Variants in FHIP1A observed in about 807,000 individuals in gnomAD.
FHIP1A encodes FHF complex subunit HOOK-interacting protein 1A.
Under a neutral mutation model 88.6 loss-of-function variants are expected in FHIP1A, and 61 were observed. The observed-to-expected ratio is 0.69, with a 90% CI of 0.56 to 0.85. The LOEUF is 0.85. Among genes scored for constraint, FHIP1A ranks in the 40% least tolerant of loss-of-function variants. The pLI, the probability that FHIP1A is intolerant of heterozygous loss-of-function variation, is 0.00. For missense variants in FHIP1A, 1,154 were observed against 1,273.5 expected (o/e 0.91, Z 1.43); for synonymous variants, 478 against 496.0 (o/e 0.96, Z 0.48).
intron 3 of FHIP1A, among the ~76,000 whole-genome samples, chr4:151,513,920 C>T (rs573886476): frequency 2.4e-4 from 36 of 150,506 alleles, no homozygotes; most frequent in African/African-American, 8.8e-4. Flanking sequence ...CAAGGATACC[C>T]AGGAATTGAA....
At chr4:151,659,773 C>T (rs890817240) in intron 13 of FHIP1A, among the ~76,000 whole-genome samples, 5 of 152,242 alleles carry the variant, frequency 3.3e-5, no homozygotes, top group Non-Finnish European at 5.9e-5. Flanking sequence ...CCCTTCACCT[C>T]CTGGCAGCCC....
rs1204101311 is a variant in FHIP1A at position 151,665,380 on chromosome 4, G to A, written c.*2626G>A. On this transcript the variant is annotated 3_prime_UTR_variant, in exon 14 of 14. Transcript: ENST00000435205. ...TGGGGTGCTGGCAGCAAACTCACAC[G>A]ATAACACTAACTTCCTATTTGGATT... 6.6e-6 allele frequency among the ~76,000 whole-genome samples: 1 copy of A among 152,220 alleles called. No individual in the cohort carries two copies. The highest frequency in any genetic ancestry group is 2.4e-5 in the African/African-American group (1 of 41,450).
intron 3 of FHIP1A, among the ~76,000 whole-genome samples, chr4:151,555,064 C>T (rs926493924): frequency 1.3e-5 from 2 of 152,070 alleles, no homozygotes; most frequent in African/African-American, 4.8e-5. Context: ...ATCACAGAAG[C>T]TAGATTTATG....
intron 7 of FHIP1A, among the ~76,000 whole-genome samples, chr4:151,606,669 T>A (rs1347418146): frequency 6.6e-6 from 1 of 152,230 alleles, no homozygotes; most frequent in African/African-American, 2.4e-5. Flanking sequence ...TATTGACCCA[T>A]GGTTTTTAAT....
chr4:151,482,532 A>T lies in FHIP1A; in HGVS notation c.-239A>T, dbSNP rs1166169750. On this transcript the variant is annotated 5_prime_UTR_variant, in exon 3 of 14. In the 5' UTR this introduces an upstream ATG that the reference lacks. Coordinates refer to ENST00000435205, the MANE Select transcript of FHIP1A (RefSeq NM_001109977.3). ...TTTATTCCTCTTCATAGATTTTTAAAGTCTTCTTCTAGGGGTTTCCAGCAG... is the reference window on the plus strand; with the variant it reads ...TTTATTCCTCTTCATAGATTTTTAATGTCTTCTTCTAGGGGTTTCCAGCAG... 6.6e-6 allele frequency: 1 copy of T among 151,784 alleles called. No individual in the cohort carries two copies. The highest frequency in any genetic ancestry group is 1.5e-5 in the Non-Finnish European group (1 of 67,832). The allele number at this position is 151,784 out of a possible 1,614,324, so 9.4% of individuals were successfully genotyped here.
intron 3 of FHIP1A, among the ~76,000 whole-genome samples, chr4:151,519,827 T>G (rs1045806324): frequency 2.0e-5 from 3 of 152,126 alleles, no homozygotes; most frequent in African/African-American, 7.2e-5. Flanking sequence ...GTTTTTAAAC[T>G]TTGGTCATTC....
rs1463271287 is a variant in FHIP1A, at chr4:151,650,705, G to GA, written c.2551+113_2551+114insA. ...GATATTATCGGTTTGTCTAACAGAG[G>GA]GCTGCAAATATTTTTGTAAAGATCA... On this transcript the variant is annotated intron_variant, in intron 11 of 13. Coordinates refer to ENST00000435205, the MANE Select transcript of FHIP1A (RefSeq NM_001109977.3). 10 of 1,339,114 alleles carry GA rather than the reference G, an allele frequency of 7.5e-6. No individual in the cohort carries two copies. The African/African-American group carries it at 1.5e-4, about 20-fold the overall frequency. The allele number at this position is 1,339,114 out of a possible 1,614,324, so 83.0% of individuals were successfully genotyped here. A position where few individuals can be genotyped will look rare whatever the true frequency, so the allele number is the denominator to read the frequency against.
At chr4:151,525,154 G>A (rs188247313) in intron 3 of FHIP1A, among the ~76,000 whole-genome samples, 1 of 152,146 alleles carries the variant, frequency 6.6e-6, no homozygotes, top group Admixed American at 6.5e-5. Flanking sequence ...TTTACTGAAA[G>A]AATTCTAATA....
rs1736993466 is a variant in FHIP1A at position 151,650,551 on chromosome 4, C to T, written c.2510C>T (p.Ala837Val). The change falls in exon 11 of 14, where the codon GCC (alanine) becomes GTC (valine). Residue 837 changes from alanine to valine, a missense_variant. Transcript: ENST00000435205. ...GTGGGGAGAGATGAGGCTGCCTTTG[C>T]CAGTCGCCATCCCGTGAGGACTCAA... Reference protein sequence around the residue: ...PFVGRDEAAFASRHPVRTQST... With the variant: ...PFVGRDEAAFVSRHPVRTQST... The T allele has an allele frequency of 6.4e-7, 1 of 1,551,122 alleles. No individual in the cohort carries two copies. Among genetic ancestry groups the T allele is most frequent in the Non-Finnish European group, 8.7e-7 (1 of 1,146,936 alleles).
chr4:151,421,159 A>G (rs957802299), intron 1 of FHIP1A, among the ~76,000 whole-genome samples: 1 of 152,328 alleles, frequency 6.6e-6, no homozygotes, highest in African/African-American at 2.4e-5. Flanking sequence ...TATTCTGTAT[A>G]GCACATTTGG....
intron 5 of FHIP1A, among the ~76,000 whole-genome samples, chr4:151,580,746 ATCAGTGGAATACTTT>A (rs1445080581): frequency 6.6e-6 from 1 of 152,222 alleles, no homozygotes; most frequent in Non-Finnish European, 1.5e-5. Context: ...TTATTCATAC[ATCAGTGGAATACTTT>A]TCAGCATTCA....
chr4:151,539,130 T>C (rs1732175445), intron 3 of FHIP1A, among the ~76,000 whole-genome samples: 1 of 152,238 alleles, frequency 6.6e-6, no homozygotes, highest in African/African-American at 2.4e-5. Flanking sequence ...ACGATGACTC[T>C]GTAGCACTTC....
Position 151,479,491 on chromosome 4 carries a change from T to C in FHIP1A, c.-247-3033T>C, listed in dbSNP as rs190596380. On this transcript the variant is annotated intron_variant, in intron 2 of 13. Transcript: ENST00000435205. Reference sequence around the variant, plus strand: ...ATTACCTGTCCCAGTTCAATCCTTTTTGAGAATGAAATTATTCAATAATTA... The same window carrying C: ...ATTACCTGTCCCAGTTCAATCCTTTCTGAGAATGAAATTATTCAATAATTA... Among the ~76,000 whole-genome samples, 1,500 of 152,236 alleles carry C rather than the reference T, an allele frequency of 9.9e-3. 10 individuals are homozygous for C. Among genetic ancestry groups the C allele is most frequent in the Admixed American group, 0.015 (232 of 15,276 alleles).
chr4:151,558,426 C>G (rs889205749), intron 3 of FHIP1A, among the ~76,000 whole-genome samples: 1 of 152,020 alleles, frequency 6.6e-6, no homozygotes, highest in Non-Finnish European at 1.5e-5. Flanking sequence ...TTCCCAGCTA[C>G]TCGGAGGCTG....
intron 1 of FHIP1A, among the ~76,000 whole-genome samples, chr4:151,450,808 C>G (rs1027947588): frequency 6.6e-6 from 1 of 151,442 alleles, no homozygotes; most frequent in Non-Finnish European, 1.5e-5. Context: ...GACAGAGTTT[C>G]GCTCTGTCCC....
rs758409314 is a variant in FHIP1A, at chr4:151,664,709, ACT to A, written c.*1958_*1959del. Among the ~76,000 whole-genome samples, 6 of 152,172 alleles carry A rather than the reference ACT, an allele frequency of 3.9e-5. No homozygotes were observed. Among genetic ancestry groups the A allele is most frequent in the Non-Finnish European group, 8.8e-5 (6 of 67,988 alleles). On this transcript the variant is annotated 3_prime_UTR_variant, in exon 14 of 14. Transcript: ENST00000435205. ...TGGAAGTTCGGCTGTAATTTATTAT[ACT>A]CTGTTTGTTTTTGCACAAGTATTTA...
intron 1 of FHIP1A, among the ~76,000 whole-genome samples, chr4:151,432,974 G>GAA (rs1203096782): frequency 6.6e-6 from 1 of 152,116 alleles, no homozygotes; most frequent in Non-Finnish European, 1.5e-5. Context: ...ATGCAGAGAT[G>GAA]AAGGGAAGGG....
chr4:151,564,961 C>T (rs1733325955), intron 3 of FHIP1A, among the ~76,000 whole-genome samples: 1 of 152,104 alleles, frequency 6.6e-6, no homozygotes, highest in Non-Finnish European at 1.5e-5. Context: ...GAACTTAACC[C>T]CTGAGTCTCC....
At chr4:151,460,509 A>G (rs891098166) in intron 2 of FHIP1A, among the ~76,000 whole-genome samples, 2 of 152,190 alleles carry the variant, frequency 1.3e-5, no homozygotes, top group Non-Finnish European at 2.9e-5. Flanking sequence ...TTTAAGTTTC[A>G]TATCTTGCAC....
Sources: allele counts gnomAD v4.1 joint callset (sites outside exome capture counted in the v4.1 genomes callset), GRCh38; gene constraint gnomAD v4.1.1; transcripts MANE v1.5; gene names NCBI Gene and HGNC (gene_info 2026-07-23, HGNC 2026-07-21).